Variants in HIP1 observed in about 807,000 individuals in gnomAD.
HIP1 encodes huntingtin-interacting protein 1.
In HIP1, 65 loss-of-function variants were observed where a neutral mutation model predicts 147.6. The observed-to-expected ratio is 0.44, with a 90% CI of 0.36 to 0.54. The LOEUF (loss-of-function observed/expected upper bound fraction) is 0.54. HIP1 is among the 20% of genes least tolerant of loss of function. The probability of loss-of-function intolerance (pLI) is 0.00; values close to 1 mark genes in which losing one functional copy is unlikely to be tolerated. For missense variants in HIP1, 1,061 were observed against 1,299.6 expected, an observed-to-expected ratio of 0.82 and a Z score of 2.82; for synonymous variants, 479 against 504.0, an observed-to-expected ratio of 0.95 and a Z score of 0.67.
At chr7:75,603,556 C>T (rs1584867221) in intron 1 of HIP1, among the ~76,000 whole-genome samples, 2 of 152,164 alleles carry the variant, frequency 1.3e-5, no homozygotes, top group East Asian at 1.9e-4. Context: ...TGATTTGGGG[C>T]TCTCCTGAGC....
At chr7:75,722,354 A>T (rs979299188) in intron 1 of HIP1, among the ~76,000 whole-genome samples, 3 of 152,214 alleles carry the variant, frequency 2.0e-5, no homozygotes, top group African/African-American at 7.2e-5. Context: ...ACTTTCACAG[A>T]ATCACTAAGT....
At chr7:75,551,260 C>T (rs1334806252) in intron 22 of HIP1, among the ~76,000 whole-genome samples, 2 of 126,060 alleles carry the variant, frequency 1.6e-5, no homozygotes, top group Non-Finnish European at 3.1e-5. Context: ...TGCAGTGGTG[C>T]AATCTCGGCT....
chr7:75,599,080 G>T (rs1796873069), intron 2 of HIP1, 104 bp downstream of exon 2: 3 of 823,198 alleles, frequency 3.6e-6, no homozygotes, highest in African/African-American at 1.7e-5. Flanking sequence ...CCTGTGCAGG[G>T]TTGCCCCTTC....
chr7:75,554,796 C>T (rs782371842), intron 19 of HIP1, among the ~76,000 whole-genome samples: 1 of 152,086 alleles, frequency 6.6e-6, no homozygotes, highest in Non-Finnish European at 1.5e-5. Context: ...TACTGCTGGG[C>T]CTGGCGTGGT....
intron 1 of HIP1, among the ~76,000 whole-genome samples, chr7:75,724,545 G>A (rs1554522141): frequency 1.3e-5 from 2 of 151,488 alleles, no homozygotes; most frequent in Non-Finnish European, 2.9e-5. Flanking sequence ...ACTGCACCCA[G>A]CCTAAAAAAC....
At position 75,568,156 on chromosome 7, in the gene HIP1, C is replaced by T. The variant is rs782091779; in HGVS notation, c.803+43G>A. ...CTTGCATGGCTTAATGATTTTATAG[C>T]GCTCTTGAATTCACCTCCATTCCTG... On this transcript the variant is annotated intron_variant, in intron 9 of 30. Transcript: ENST00000336926. The surrounding 1 kb of genome is among the most constrained non-coding windows in gnomAD (Gnocchi z 4.1). 2.7e-5 allele frequency: 37 copies of T among 1,374,236 alleles called. No homozygotes were observed. In the South Asian group the frequency reaches 2.8e-4, roughly 10 times the overall value. The allele number at this position is 1,374,236 out of a possible 1,614,324, so 85.1% of individuals were successfully genotyped here.
At chr7:75,559,952 C>G in intron 13 of HIP1, 37 bp from the exon 14 acceptor site, 4 of 1,543,394 alleles carry the variant, frequency 2.6e-6, no homozygotes, top group Non-Finnish European at 3.5e-6. Flanking sequence ...CAACCGCCCA[C>G]TGCCACGGGT....
At chr7:75,695,083 TTTC>T (rs1467503422) in intron 1 of HIP1, among the ~76,000 whole-genome samples, 2 of 152,210 alleles carry the variant, frequency 1.3e-5, no homozygotes, top group Non-Finnish European at 2.9e-5. Flanking sequence ...GTTCCTATCA[TTTC>T]TTGATTCTCC....
intron 1 of HIP1, among the ~76,000 whole-genome samples, chr7:75,699,170 T>C (rs1329913109): frequency 6.6e-6 from 1 of 152,108 alleles, no homozygotes; most frequent in Non-Finnish European, 1.5e-5. Flanking sequence ...GAACCTGAAC[T>C]CCTGGACTCA....
rs114903798 is a variant in HIP1, at chr7:75,738,924, G to A, written c.-4C>T. ...TGGAGCTGGCCATCCGATCCATGTC[G>A]CCGCGAGGAGCCGAGTCAGGGGCCC... On this transcript the variant is annotated 5_prime_UTR_variant, in exon 1 of 31. Transcript: ENST00000336926. The A allele has an allele frequency of 3.0e-3, 4,555 of 1,541,112 alleles. 137 individuals carry two copies. In the African/African-American group the frequency reaches 0.057, roughly 19 times the overall value.
At chr7:75,664,406 A>G (rs1799479686) in intron 1 of HIP1, among the ~76,000 whole-genome samples, 1 of 143,980 alleles carries the variant, frequency 6.9e-6, no homozygotes. Context: ...ACATACATAT[A>G]TACACATACA....
At chr7:75,677,273 G>A (rs1799926775) in intron 1 of HIP1, among the ~76,000 whole-genome samples, 1 of 151,580 alleles carries the variant, frequency 6.6e-6, no homozygotes, top group Admixed American at 6.6e-5. Context: ...CCTTGAGAGA[G>A]GCATTTAGCA....
At chr7:75,652,279 T>C (rs530894109) in intron 1 of HIP1, among the ~76,000 whole-genome samples, 10 of 147,494 alleles carry the variant, frequency 6.8e-5, no homozygotes, top group Non-Finnish European at 3.0e-5. Flanking sequence ...ATTGCACCAC[T>C]GCACTCCAGC....
At chr7:75,588,501 C>T (rs1395306466) in intron 4 of HIP1, among the ~76,000 whole-genome samples, 3 of 152,084 alleles carry the variant, frequency 2.0e-5, no homozygotes, top group African/African-American at 7.2e-5. Context: ...AGAAGCAGGG[C>T]CAGACACAGT....
chr7:75,676,671 G>T (rs1269631139), intron 1 of HIP1, among the ~76,000 whole-genome samples: 1 of 151,928 alleles, frequency 6.6e-6, no homozygotes, highest in Non-Finnish European at 1.5e-5. Flanking sequence ...AGCTACACGG[G>T]AGGCTGAGGT....
intron 7 of HIP1, among the ~76,000 whole-genome samples, chr7:75,574,252 T>G (rs1795755131): frequency 6.9e-6 from 1 of 145,478 alleles, no homozygotes; most frequent in South Asian, 2.2e-4. Context: ...AAGATCATGC[T>G]ATTGCACTCC....
Position 75,655,496 on chromosome 7 carries a change from C to T in HIP1, c.121-56249G>A, listed in dbSNP as rs183005257. ...ACTTGGGAGGCTGAGGCAGGAGAGTCGCTGAAATCCAGGAAGCGGAGGTTG... is the reference window on the plus strand; with the variant it reads ...ACTTGGGAGGCTGAGGCAGGAGAGTTGCTGAAATCCAGGAAGCGGAGGTTG... On this transcript the variant is annotated intron_variant, in intron 1 of 30. Coordinates refer to ENST00000336926, the MANE Select transcript of HIP1 (RefSeq NM_005338.7). 3.6e-3 allele frequency among the ~76,000 whole-genome samples: 547 copies of T among 151,736 alleles called. 1 individual carries two copies. The highest frequency in any genetic ancestry group is 0.013 in the African/African-American group (530 of 41,364).
chr7:75,632,322 C>A (rs950469663), intron 1 of HIP1, among the ~76,000 whole-genome samples: 5 of 152,082 alleles, frequency 3.3e-5, no homozygotes, highest in African/African-American at 1.2e-4. Context: ...TTGAATGGAA[C>A]CTCATCTTGG....
chr7:75,702,695 T>A (rs1050470517), intron 1 of HIP1, among the ~76,000 whole-genome samples: 2 of 151,936 alleles, frequency 1.3e-5, no homozygotes, highest in Non-Finnish European at 2.9e-5. Flanking sequence ...TTCATATGGA[T>A]CCCATGGTTA....
Sources: gnomAD v4.1 joint callset for allele counts (sites outside exome capture counted in the v4.1 genomes callset) on GRCh38, gnomAD v4.1.1 for gene constraint, Gnocchi (gnomAD v3.1) non-coding constraint, MANE v1.5 for transcripts, NCBI Gene and HGNC (gene_info 2026-07-23, HGNC 2026-07-21) for gene names.